Variants in CARMIL1 observed in about 807,000 individuals in gnomAD.
CARMIL1 encodes the protein capping protein regulator and myosin 1 linker 1.
A neutral mutation model predicts 177.1 loss-of-function variants in CARMIL1; 90 were observed. That is an observed-to-expected ratio of 0.51 (90% CI 0.43 to 0.61). The LOEUF (loss-of-function observed/expected upper bound fraction) is 0.61, where lower values mean the gene tolerates loss of function less well. CARMIL1 is among the 20% of genes least tolerant of loss of function. The pLI is 0.00. For synonymous variants in CARMIL1, 577 were observed against 606.2 expected, an observed-to-expected ratio of 0.95 and a Z score of 0.71; for missense variants, 1,380 against 1,667.0, an observed-to-expected ratio of 0.83 and a Z score of 3.00.
At chr6:25,420,260 T>G in intron 3 of CARMIL1, 96 bp downstream of exon 3, 2 of 1,100,762 alleles carry the variant, frequency 1.8e-6, no homozygotes, top group Admixed American at 3.4e-5. Context: ...GCACACATAT[T>G]CCTTCATATA....
intron 8 of CARMIL1, among the ~76,000 whole-genome samples, chr6:25,453,946 T>A (rs1185245677): frequency 3.9e-5 from 6 of 152,170 alleles, no homozygotes; most frequent in Admixed American, 3.9e-4. Context: ...TGCTAAACTT[T>A]TCAGCTAATC....
At chr6:25,399,169 C>CT (rs1793680371) in intron 2 of CARMIL1, among the ~76,000 whole-genome samples, 1 of 152,214 alleles carries the variant, frequency 6.6e-6, no homozygotes, top group African/African-American at 2.4e-5. Context: ...CCAGGATGCA[C>CT]AGCCTTTTGT....
intron 12 of CARMIL1, 58 bp downstream of exon 12, chr6:25,482,401 A>G: frequency 2.7e-6 from 2 of 743,596 alleles, no homozygotes; most frequent in Non-Finnish European, 4.4e-6. Context: ...TGCACCTGCT[A>G]CCTTAGTTAG....
chr6:25,417,046 T>C (rs1795413347), intron 2 of CARMIL1, among the ~76,000 whole-genome samples: 1 of 152,164 alleles, frequency 6.6e-6, no homozygotes, highest in Non-Finnish European at 1.5e-5. Context: ...TGATCATGGT[T>C]GTCAGCATTA....
chr6:25,597,868 G>C (rs1336746564), intron 32 of CARMIL1, among the ~76,000 whole-genome samples: 1 of 152,178 alleles, frequency 6.6e-6, no homozygotes, highest in Non-Finnish European at 1.5e-5. Flanking sequence ...AGTGTCACTA[G>C]GTATAGAATT....
chr6:25,421,337 C>G (rs976606025), intron 3 of CARMIL1, among the ~76,000 whole-genome samples: 5 of 152,030 alleles, frequency 3.3e-5, no homozygotes, highest in African/African-American at 1.2e-4. Flanking sequence ...CCATCTCACA[C>G]CAGTTAGAAT....
intron 2 of CARMIL1, among the ~76,000 whole-genome samples, chr6:25,295,432 C>T (rs1018147547): frequency 6.6e-6 from 1 of 152,100 alleles, no homozygotes; most frequent in Admixed American, 6.5e-5. Flanking sequence ...TGTCCATGTC[C>T]TCATATTTAT....
intron 1 of CARMIL1, among the ~76,000 whole-genome samples, chr6:25,281,116 GCACGCGCGTGTGCGCGCGCGCACACACA>G (rs1781057050): frequency 7.7e-6 from 1 of 130,466 alleles, no homozygotes; most frequent in South Asian, 3.0e-4. Context: ...ATTCACAGAC[GCACGCGCGTGTGCGCGCGCGCACACACA>G]CACACACACA....
intron 2 of CARMIL1, among the ~76,000 whole-genome samples, chr6:25,395,670 A>G (rs1235332393): frequency 6.6e-6 from 1 of 152,206 alleles, no homozygotes; most frequent in Non-Finnish European, 1.5e-5. Flanking sequence ...TTGCTCATAT[A>G]GTATTGCTCG....
chr6:25,426,632 G>T, intron 4 of CARMIL1, 72 bp downstream of exon 4: 2 of 1,365,956 alleles, frequency 1.5e-6, no homozygotes, highest in South Asian at 2.6e-5. Flanking sequence ...AATGTTCCTT[G>T]AGACAATGTG....
At chr6:25,396,236 TAG>T (rs1229269387) in intron 2 of CARMIL1, among the ~76,000 whole-genome samples, 1 of 152,098 alleles carries the variant, frequency 6.6e-6, no homozygotes, top group Non-Finnish European at 1.5e-5. Flanking sequence ...CTAAATTTAA[TAG>T]TAGAATTATA....
At chr6:25,282,066 G>C (rs953529859) in intron 1 of CARMIL1, among the ~76,000 whole-genome samples, 1 of 131,978 alleles carries the variant, frequency 7.6e-6, no homozygotes, top group Non-Finnish European at 1.5e-5. Flanking sequence ...CGTAAGCCGA[G>C]ATCAAGCCAT....
intron 2 of CARMIL1, among the ~76,000 whole-genome samples, chr6:25,330,888 GTTTTTTTT>G (rs67633087): frequency 0.072 from 8,467 of 118,312 alleles, 310 homozygotes; most frequent in Non-Finnish European, 0.1. Flanking sequence ...TTTTCAAGAG[GTTTTTTTT>G]TTTTTTTTTT....
At chr6:25,565,818 C>A (rs113753374) in intron 29 of CARMIL1, among the ~76,000 whole-genome samples, 3 of 152,082 alleles carry the variant, frequency 2.0e-5, no homozygotes, top group Admixed American at 6.5e-5. Context: ...TCCAGCCTGG[C>A]GACAGAGTGA....
intron 2 of CARMIL1, among the ~76,000 whole-genome samples, chr6:25,395,755 A>G (rs958830997): frequency 5.9e-5 from 9 of 152,244 alleles, no homozygotes; most frequent in Non-Finnish European, 5.9e-5. Context: ...GTTATAAATG[A>G]TAATTTTACA....
At chr6:25,544,207 A>G in intron 26 of CARMIL1, among the ~76,000 whole-genome samples, 1 of 152,152 alleles carries the variant, frequency 6.6e-6, no homozygotes, top group East Asian at 1.9e-4. Flanking sequence ...TGAAGAGATG[A>G]CAGCTGAGAA....
At chr6:25,570,155 G>A (rs938124872) in intron 29 of CARMIL1, among the ~76,000 whole-genome samples, 3 of 152,076 alleles carry the variant, frequency 2.0e-5, no homozygotes, top group Non-Finnish European at 4.4e-5. Flanking sequence ...TAGTAGAGAC[G>A]GGGTTTCACC....
intron 8 of CARMIL1, 83 bp downstream of exon 8, chr6:25,450,794 TCCCTTCCTCCCTCCCCTCCCCTCCCC>T: frequency 9.5e-5 from 1 of 10,556 alleles, no homozygotes; most frequent in Admixed American, 3.7e-4. Flanking sequence ...CCTTCCTCCC[TCCCTTCCTCCCTCCCCTCCCCTCCCC>T]TTCCCTCCCC....
intron 32 of CARMIL1, among the ~76,000 whole-genome samples, chr6:25,595,478 T>C (rs1562322455): frequency 6.6e-6 from 1 of 152,168 alleles, no homozygotes; most frequent in East Asian, 1.9e-4. Context: ...ACCCAATTAT[T>C]TGTCTTCTTT....
Sources: gnomAD v4.1 joint callset for allele counts (sites outside exome capture counted in the v4.1 genomes callset) on GRCh38, gnomAD v4.1.1 for gene constraint, MANE v1.5 for transcripts, NCBI Gene and HGNC (gene_info 2026-07-23, HGNC 2026-07-21) for gene names.